The following NPAS2 variants were observed in gnomAD, a reference collection of about 807,000 sequenced individuals.
NPAS2 encodes the protein neuronal PAS domain-containing protein 2.
In NPAS2, 23 loss-of-function variants were observed where a neutral mutation model predicts 107.5. The observed-to-expected ratio is 0.21, with a 90% confidence interval of 0.15 to 0.30. NPAS2 has a LOEUF of 0.30. NPAS2 is among the 10% of genes least tolerant of loss of function. The pLI, the probability that NPAS2 is intolerant of heterozygous loss-of-function variation, is 1.00. For synonymous variants in NPAS2, 403 were observed against 417.5 expected (o/e 0.97, Z 0.42); for missense variants, 756 against 1,043.3 (o/e 0.72, Z 3.79).
At position 100,932,886 on chromosome 2, in the gene NPAS2, G is replaced by A. The variant is rs748697970; in HGVS notation, c.182-24G>A. The A allele has an allele frequency of 7.7e-6, 12 of 1,550,968 alleles. No individual in the cohort carries two copies. The South Asian group carries it at 1.3e-4, about 17-fold the overall frequency. On this transcript the variant is annotated intron_variant, in intron 3 of 20. Coordinates refer to ENST00000335681, the MANE Select transcript of NPAS2 (RefSeq NM_002518.4). ...ATTTCTAGGTGCCATTGAATATAAA[G>A]GCTTATTTGTGTCTCTTTTCTAGAA...
At chr2:100,855,582 A>T (rs1215042857) in intron 1 of NPAS2, among the ~76,000 whole-genome samples, 4 of 152,214 alleles carry the variant, frequency 2.6e-5, no homozygotes, top group Non-Finnish European at 5.9e-5. Context: ...TCCAGATGTG[A>T]GAAAGCACTT....
intron 1 of NPAS2, among the ~76,000 whole-genome samples, chr2:100,873,301 TATATATAC>T (rs1232677580): frequency 0.018 from 1,156 of 64,712 alleles, 6 homozygotes; most frequent in Non-Finnish European, 0.021. Flanking sequence ...TATATATATA[TATATATAC>T]ACACACACAC....
intron 7 of NPAS2, among the ~76,000 whole-genome samples, chr2:100,954,009 T>G (rs1444644740): frequency 6.6e-6 from 1 of 152,188 alleles, no homozygotes; most frequent in African/African-American, 2.4e-5. Context: ...TGGCCCACCA[T>G]GCAGGGCCAC....
chr2:100,935,239 G>A (rs1310179391), intron 4 of NPAS2: 1 of 249,842 alleles, frequency 4.0e-6, no homozygotes, highest in Non-Finnish European at 6.3e-6. Flanking sequence ...TGGAATTTCT[G>A]AATTTTAATC....
intron 1 of NPAS2, among the ~76,000 whole-genome samples, chr2:100,834,501 A>T (rs1007997856): frequency 6.6e-6 from 1 of 152,168 alleles, no homozygotes; most frequent in African/African-American, 2.4e-5. Context: ...CTTTTTTCAG[A>T]TAGACTGAAC....
chr2:100,977,987 T>A (rs769659635), intron 15 of NPAS2, among the ~76,000 whole-genome samples, 188 bp downstream of exon 15: 10 of 152,288 alleles, frequency 6.6e-5, no homozygotes, highest in Non-Finnish European at 1.2e-4. Context: ...CTCCAAGTTC[T>A]TTTTTCCAGT....
In NPAS2 at chr2:100,990,453, G is replaced by A; in HGVS notation, c.2018+7G>A. Reference sequence around the variant, plus strand: ...GCCATGATCGGCAGCTCAGGTACGAGACTGCCCTTGTTTAAAGGATAACCC... The same window carrying A: ...GCCATGATCGGCAGCTCAGGTACGAAACTGCCCTTGTTTAAAGGATAACCC... On this transcript the variant is annotated splice_region_variant and intron_variant, in intron 18 of 20. Coordinates refer to ENST00000335681, the MANE Select transcript of NPAS2 (RefSeq NM_002518.4). 6.2e-7 allele frequency: 1 copy of A among 1,613,882 alleles called. No homozygotes were observed.
Position 100,976,019 on chromosome 2 carries a change from T to A in NPAS2, c.1392+452T>A, listed in dbSNP as rs1676976813. Among the ~76,000 whole-genome samples, 2 of 152,168 alleles carry A rather than the reference T, an allele frequency of 1.3e-5. No homozygotes were observed. The highest frequency in any genetic ancestry group is 4.8e-5 in the African/African-American group (2 of 41,440). ...TCCAGAACATCGGGATGTATGGCCCTGGCTATATGTAAAGTCACTGGCATG... is the reference window on the plus strand; with the variant it reads ...TCCAGAACATCGGGATGTATGGCCCAGGCTATATGTAAAGTCACTGGCATG... On this transcript the variant is annotated intron_variant, in intron 14 of 20. Coordinates refer to ENST00000335681, the MANE Select transcript of NPAS2 (RefSeq NM_002518.4). The surrounding 1 kb of genome is among the most constrained non-coding windows in gnomAD (Gnocchi z 4.1).
rs181543347 is a variant in NPAS2, at chr2:100,829,399, C to T, written c.-23+8985C>T. 3.7e-4 allele frequency among the ~76,000 whole-genome samples: 57 copies of T among 152,190 alleles called. 4 individuals are homozygous for T. Among genetic ancestry groups the T allele is most frequent in the African/African-American group, 9.4e-4 (39 of 41,532 alleles). ...AACTCCTGACCTCAAGTGATCCGCC[C>T]GCCTGATCCCAGCACTTTGGAACTG... On this transcript the variant is annotated intron_variant, in intron 1 of 20. Transcript: ENST00000335681.
chr2:100,884,617 A>G (rs1680580651), intron 1 of NPAS2, among the ~76,000 whole-genome samples: 1 of 152,172 alleles, frequency 6.6e-6, no homozygotes, highest in South Asian at 2.1e-4. Context: ...TTGTTAATAT[A>G]AGATTTATGA....
chr2:100,983,182 G>C (rs906570727), intron 16 of NPAS2: 13 of 152,206 alleles, frequency 8.5e-5, no homozygotes, highest in African/African-American at 2.9e-4. Flanking sequence ...CCTTAGAAGG[G>C]ACAGAAAGAA....
intron 1 of NPAS2, among the ~76,000 whole-genome samples, chr2:100,863,041 G>A (rs1328782104): frequency 1.3e-5 from 2 of 152,186 alleles, no homozygotes; most frequent in Non-Finnish European, 2.9e-5. Flanking sequence ...AAGAGCCTTA[G>A]CCCGTGCACA....
chr2:100,955,651 C>CACTT (rs952127100), intron 7 of NPAS2, among the ~76,000 whole-genome samples: 3 of 151,902 alleles, frequency 2.0e-5, no homozygotes. Flanking sequence ...TGGATTGTGT[C>CACTT]ACTCCTGGTG....
chr2:100,859,596 G>A (rs959841184), intron 1 of NPAS2, among the ~76,000 whole-genome samples: 2 of 152,146 alleles, frequency 1.3e-5, no homozygotes, highest in African/African-American at 4.8e-5. Flanking sequence ...AACCAGTGAC[G>A]CCAGGGGAGC....
intron 10 of NPAS2, among the ~76,000 whole-genome samples, chr2:100,967,236 C>A (rs1325463643): frequency 7.1e-6 from 1 of 140,074 alleles, no homozygotes; most frequent in Non-Finnish European, 1.5e-5. Flanking sequence ...AAGTCAGTGT[C>A]CTTTTTTTTT....
chr2:100,949,245 G>A, intron 6 of NPAS2, 122 bp from the exon 7 acceptor site: 2 of 678,536 alleles, frequency 2.9e-6, no homozygotes, highest in South Asian at 3.3e-5. Flanking sequence ...GTCGTAGTGA[G>A]AGAACTAGCC....
intron 1 of NPAS2, among the ~76,000 whole-genome samples, chr2:100,838,941 G>C (rs1385636743): frequency 6.6e-6 from 1 of 151,962 alleles, no homozygotes; most frequent in East Asian, 1.9e-4. Context: ...GAACTGTGTG[G>C]AATCACTTAT....
chr2:100,948,002 G>A (rs1170907966), intron 5 of NPAS2, among the ~76,000 whole-genome samples: 1 of 152,222 alleles, frequency 6.6e-6, no homozygotes. Context: ...TTCACTCTTA[G>A]TTCCCTCCTT....
At chr2:100,945,133 G>A (rs1004671228) in intron 5 of NPAS2, among the ~76,000 whole-genome samples, 2 of 152,174 alleles carry the variant, frequency 1.3e-5, no homozygotes, top group Non-Finnish European at 2.9e-5. Flanking sequence ...TAGCATAGAC[G>A]AGAGAGGATC....
Sources: allele counts gnomAD v4.1 joint callset (sites outside exome capture counted in the v4.1 genomes callset), GRCh38; gene constraint gnomAD v4.1.1; non-coding constraint Gnocchi (gnomAD v3.1); transcripts MANE v1.5; gene names NCBI Gene and HGNC (gene_info 2026-07-23, HGNC 2026-07-21).